The following PALM2AKAP2 variants were observed in gnomAD, a reference collection of about 807,000 sequenced individuals.
The protein encoded by PALM2AKAP2 is PALM2 and AKAP2 fusion, also known as PALM2-AKAP2 fusion protein.
Under a neutral mutation model 71.5 loss-of-function variants are expected in PALM2AKAP2, and 37 were observed. That is an observed-to-expected ratio of 0.52 (90% CI 0.40 to 0.68). The LOEUF (loss-of-function observed/expected upper bound fraction) is 0.68. Among genes scored for constraint, PALM2AKAP2 ranks in the 30% least tolerant of loss-of-function variants. PALM2AKAP2 has a pLI of 0.00. For synonymous variants in PALM2AKAP2, 468 were observed against 478.8 expected (o/e 0.98, Z 0.29); for missense variants, 1,224 against 1,191.8 (o/e 1.03, Z -0.40).
Position 109,715,601 on chromosome 9 carries a change from C to T in PALM2AKAP2, c.6-64887C>T, listed in dbSNP as rs150802905. On this transcript the variant is annotated intron_variant, in intron 1 of 6. Coordinates refer to the PALM2AKAP2 transcript ENST00000374531. ...CCCAGCCCAGCCCCTGCCTTATGTG[C>T]GTGTCGTGTTTTGTCTTCTGAAATG... Among the ~76,000 whole-genome samples the T allele has an allele frequency of 5.8e-3, 884 of 152,300 alleles. 2 individuals are homozygous for T. The highest frequency in any genetic ancestry group is 9.4e-3 in the Non-Finnish European group (639 of 68,034).
intron 2 of PALM2AKAP2, among the ~76,000 whole-genome samples, chr9:110,145,882 C>G (rs1376377392): frequency 2.8e-5 from 4 of 142,330 alleles, no homozygotes; most frequent in Non-Finnish European, 6.2e-5. Flanking sequence ...GCCTGTCAGC[C>G]TCACTCTTCT....
At chr9:109,774,254 C>A (rs1829317482) in intron 1 of PALM2AKAP2, among the ~76,000 whole-genome samples, 1 of 152,206 alleles carries the variant, frequency 6.6e-6, no homozygotes, top group Non-Finnish European at 1.5e-5. Flanking sequence ...CTGACTGTGT[C>A]TACTGGCATC....
chr9:109,772,809 A>G (rs1395393357), intron 1 of PALM2AKAP2, among the ~76,000 whole-genome samples: 3 of 152,240 alleles, frequency 2.0e-5, no homozygotes, highest in Non-Finnish European at 4.4e-5. Context: ...CACTGAGTCT[A>G]CAGTGGCTAT....
At chr9:109,897,233 T>A (rs1587992685) in intron 3 of PALM2AKAP2, among the ~76,000 whole-genome samples, 1 of 152,206 alleles carries the variant, frequency 6.6e-6, no homozygotes, top group East Asian at 1.9e-4. Context: ...TCATAAGGTA[T>A]ACTTTGGGGA....
intron 1 of PALM2AKAP2, among the ~76,000 whole-genome samples, chr9:109,737,292 G>T (rs987393750): frequency 6.6e-6 from 1 of 152,244 alleles, no homozygotes; most frequent in African/African-American, 2.4e-5. Flanking sequence ...GGCCTGAGTG[G>T]TCATCACGAT....
intron 1 of PALM2AKAP2, among the ~76,000 whole-genome samples, chr9:109,768,912 G>A (rs973225494): frequency 2.0e-5 from 3 of 152,250 alleles, no homozygotes; most frequent in South Asian, 4.2e-4. Flanking sequence ...TTGCACCTAA[G>A]AGTTTGAGAC....
intron 1 of PALM2AKAP2, among the ~76,000 whole-genome samples, chr9:109,766,539 G>A (rs1419525820): frequency 1.3e-5 from 2 of 152,316 alleles, no homozygotes; most frequent in East Asian, 1.9e-4. Context: ...TCACAGCATT[G>A]TGAAATCACC....
At chr9:109,921,188 G>T (rs996496420) in intron 3 of PALM2AKAP2, among the ~76,000 whole-genome samples, 8 of 152,130 alleles carry the variant, frequency 5.3e-5, no homozygotes, top group African/African-American at 1.7e-4. Context: ...TCTTATCTTG[G>T]CTGGGCCACA....
intron 6 of PALM2AKAP2, among the ~76,000 whole-genome samples, chr9:110,008,266 G>A (rs1832819474): frequency 6.6e-6 from 1 of 151,998 alleles, no homozygotes; most frequent in Non-Finnish European, 1.5e-5. Context: ...TGTTTCTGAG[G>A]TTTTCATTTT....
chr9:110,061,135 T>C (rs1331363291), intron 1 of PALM2AKAP2, among the ~76,000 whole-genome samples: 3 of 152,140 alleles, frequency 2.0e-5, no homozygotes, highest in African/African-American at 7.2e-5. Context: ...TCTTGCAAGA[T>C]CCACTAAACC....
At chr9:110,034,179 T>C (rs1833337223) in intron 7 of PALM2AKAP2, among the ~76,000 whole-genome samples, 1 of 152,122 alleles carries the variant, frequency 6.6e-6, no homozygotes, top group Admixed American at 6.5e-5. Flanking sequence ...TTTTTTGAGA[T>C]GGAGTTTCAC....
At chr9:109,650,444 A>G (rs1474555193) in intron 1 of PALM2AKAP2, among the ~76,000 whole-genome samples, 4 of 152,114 alleles carry the variant, frequency 2.6e-5, no homozygotes, top group African/African-American at 4.8e-5. Flanking sequence ...AGAGATGAAG[A>G]CTTGCTCTGT....
Position 109,688,705 on chromosome 9 carries a change from G to T in PALM2AKAP2, c.5+47839G>T, listed in dbSNP as rs1178996900. ...GAAAAGGGGCAGAGAGATTAAGCTT[G>T]CAGTATGAGTAGGGATATACTTTAT... is the stretch of plus-strand genomic sequence containing the variant. On this transcript the variant is annotated intron_variant, in intron 1 of 6. Transcript: ENST00000374531. Among the ~76,000 whole-genome samples the T allele has an allele frequency of 3.9e-5, 6 of 152,220 alleles. No homozygotes were observed. The East Asian group carries it at 1.2e-3, about 29-fold the overall frequency.
At chr9:109,831,550 C>G (rs142950227) in intron 1 of PALM2AKAP2, among the ~76,000 whole-genome samples, 1 of 152,302 alleles carries the variant, frequency 6.6e-6, no homozygotes, top group Non-Finnish European at 1.5e-5. Context: ...AGGGAGGTTA[C>G]TGAATCTTCT....
intron 3 of PALM2AKAP2, 55 bp downstream of exon 9, chr9:110,156,552 C>T (rs1037030161): frequency 9.9e-6 from 15 of 1,512,492 alleles, no homozygotes; most frequent in Middle Eastern, 3.5e-4. Context: ...ATCGGTGTGG[C>T]GTGTGGCATT....
intron 1 of PALM2AKAP2, among the ~76,000 whole-genome samples, chr9:109,757,314 G>C (rs995898326): frequency 1.3e-5 from 2 of 152,098 alleles, no homozygotes; most frequent in African/African-American, 4.8e-5. Flanking sequence ...AGAATACTTT[G>C]TAAGAATCCC....
At chr9:109,863,399 A>G (rs2131676782) in intron 1 of PALM2AKAP2, among the ~76,000 whole-genome samples, 1 of 152,288 alleles carries the variant, frequency 6.6e-6, no homozygotes, top group South Asian at 2.1e-4. Flanking sequence ...CTGAGATGAA[A>G]CATAGAAGAA....
chr9:109,655,743 C>G (rs1303652870), intron 1 of PALM2AKAP2, among the ~76,000 whole-genome samples: 1 of 152,076 alleles, frequency 6.6e-6, no homozygotes, highest in Non-Finnish European at 1.5e-5. Context: ...AAGGTTTATC[C>G]CTGTTGTAGC....
chr9:109,687,620 G>C (rs1484364523), intron 1 of PALM2AKAP2, among the ~76,000 whole-genome samples: 1 of 152,192 alleles, frequency 6.6e-6, no homozygotes, highest in Non-Finnish European at 1.5e-5. Context: ...GGAATGTTGT[G>C]GCTGGTTTGA....
Sources: allele counts gnomAD v4.1 joint callset (sites outside exome capture counted in the v4.1 genomes callset), GRCh38; gene constraint gnomAD v4.1.1; transcripts MANE v1.5; gene names NCBI Gene and HGNC (gene_info 2026-07-23, HGNC 2026-07-21).